The following WLS variants were observed in gnomAD, a reference collection of about 807,000 sequenced individuals.
WLS encodes the protein Wnt ligand secretion mediator.
Under a neutral mutation model 62.8 loss-of-function variants are expected in WLS, and 23 were observed. The ratio of observed to expected loss-of-function variants is 0.37; its 90% confidence interval spans 0.26 to 0.52. WLS has a LOEUF of 0.52. Among genes scored for constraint, WLS ranks in the 20% least tolerant of loss-of-function variants. WLS has a pLI of 0.92. For missense variants in WLS, 615 were observed against 697.3 expected (o/e 0.88, Z 1.33); for synonymous variants, 246 against 244.1 (o/e 1.01, Z -0.07).
chr1:68,194,654 A>C (rs1319776932), intron 1 of WLS, among the ~76,000 whole-genome samples: 1 of 152,194 alleles, frequency 6.6e-6, no homozygotes, highest in East Asian at 1.9e-4. Flanking sequence ...ACTGTCAGTG[A>C]ATCTTGGGTA....
chr1:68,132,101 G>A (rs1263036659), intron 11 of WLS, among the ~76,000 whole-genome samples: 1 of 152,190 alleles, frequency 6.6e-6, no homozygotes, highest in Non-Finnish European at 1.5e-5. Flanking sequence ...TCATGGTGGG[G>A]TGACAAGAAT....
In WLS at chr1:68,130,889, CTT is replaced by C. The variant is rs56038722; in HGVS notation, c.1517-4556_1517-4555del. On this transcript the variant is annotated intron_variant, in intron 11 of 11. Coordinates refer to ENST00000262348, the MANE Select transcript of WLS (RefSeq NM_024911.7). Reference sequence around the variant, plus strand: ...AATGGTGAATGGTAGGTTTCTTCTTCTTTTTTTTTTTTTTTTTTTTTTTAGAT... The same window carrying C: ...AATGGTGAATGGTAGGTTTCTTCTTCTTTTTTTTTTTTTTTTTTTTTAGAT... Among the ~76,000 whole-genome samples, 776 of 100,810 alleles carry C rather than the reference CTT, an allele frequency of 7.7e-3. 6 individuals are homozygous for C. Among genetic ancestry groups the C allele is most frequent in the African/African-American group, 0.019 (501 of 26,050 alleles). The allele number at this position is 100,810 out of a possible 152,430, so 66.1% of individuals were successfully genotyped here.
At chr1:68,134,532 G>T (rs1646577660) in intron 11 of WLS, among the ~76,000 whole-genome samples, 1 of 152,160 alleles carries the variant, frequency 6.6e-6, no homozygotes, top group Non-Finnish European at 1.5e-5. Context: ...TTCACAGAGG[G>T]TCTACTTGGC....
At chr1:68,156,934 T>C (rs1243979564) in intron 3 of WLS, among the ~76,000 whole-genome samples, 1 of 152,192 alleles carries the variant, frequency 6.6e-6, no homozygotes, top group Non-Finnish European at 1.5e-5. Context: ...TTCTGATTTG[T>C]TTCCAGTTAG....
intron 11 of WLS, among the ~76,000 whole-genome samples, chr1:68,137,282 C>CTTT (rs869236010): frequency 4.6e-4 from 54 of 116,434 alleles, no homozygotes; most frequent in African/African-American, 1.6e-3. Flanking sequence ...ACAGGAAGAA[C>CTTT]TGGGGACAGG....
intron 8 of WLS, among the ~76,000 whole-genome samples, chr1:68,147,819 A>G (rs1014763481): frequency 2.6e-5 from 4 of 152,202 alleles, no homozygotes; most frequent in Non-Finnish European, 4.4e-5. Context: ...GCTCCAGGGA[A>G]AAGCTAGTCA....
chr1:68,133,875 T>A (rs960635294), intron 11 of WLS, among the ~76,000 whole-genome samples: 6 of 152,208 alleles, frequency 3.9e-5, no homozygotes, highest in African/African-American at 1.4e-4. Flanking sequence ...GCCTTTGGCA[T>A]CAGAAACTGC....
At chr1:68,193,864 C>T (rs1648505213) in intron 2 of WLS, 91 bp downstream of exon 2, 5 of 1,498,332 alleles carry the variant, frequency 3.3e-6, no homozygotes, top group Admixed American at 4.1e-5. Context: ...TTACTATTAC[C>T]ATTTTTACTT....
At position 68,138,077 on chromosome 1, in the gene WLS, A is replaced by G. The variant is rs1026343968; in HGVS notation, c.1363-144T>C. On this transcript the variant is annotated intron_variant, in intron 10 of 11. Coordinates refer to ENST00000262348, the MANE Select transcript of WLS (RefSeq NM_024911.7). ...AGGGCCATGTAAGACTCCATCTTTT[A>G]ATCTGAATCATTTCGGTGTAAATTA... 4.3e-6 allele frequency: 4 copies of G among 920,408 alleles called. No individual in the cohort carries two copies. The African/African-American group carries it at 5.0e-5, about 11-fold the overall frequency. The allele number at this position is 920,408 out of a possible 1,614,324, so 57.0% of individuals were successfully genotyped here. A position where few individuals can be genotyped will look rare whatever the true frequency, so the allele number is the denominator to read the frequency against.
At chr1:68,214,208 C>CACACACACAA (rs1649639336) in intron 1 of WLS, among the ~76,000 whole-genome samples, 2 of 151,766 alleles carry the variant, frequency 1.3e-5, no homozygotes, top group Non-Finnish European at 2.9e-5. Flanking sequence ...CACACACACA[C>CACACACACAA]ACCCCATTTC....
Position 68,153,795 on chromosome 1 carries a change from A to C in WLS, c.667-142T>G, listed in dbSNP as rs1196591828. 3.7e-6 allele frequency: 4 copies of C among 1,094,260 alleles called. No homozygotes were observed. In the African/African-American group the frequency reaches 4.7e-5, roughly 13 times the overall value. 67.8% of individuals were successfully genotyped at this position (1,094,260 alleles called of 1,614,324 possible). A position where few individuals can be genotyped will look rare whatever the true frequency, so the allele number is the denominator to read the frequency against. ...AAGAGCTTTCACATTCATAGCAGGT[A>C]CTGCCCTCATACACCCTTGGACTCT... On this transcript the variant is annotated intron_variant, in intron 4 of 11. Transcript: ENST00000262348.
Position 68,232,513 on chromosome 1 carries a change from G to A in WLS, c.-214C>T. ...GGCTCGGGTTCCCCCAATGCCCGGA[G>A]CTGTGATTGTGGCCGCTCCGCCGCC... On this transcript the variant is annotated 5_prime_UTR_variant, in exon 1 of 12. Transcript: ENST00000262348. 3 of 1,009,464 alleles carry A rather than the reference G, an allele frequency of 3.0e-6. No individual in the cohort carries two copies. The highest frequency in any genetic ancestry group is 7.0e-5 in the Admixed American group (2 of 28,630). The allele number at this position is 1,009,464 out of a possible 1,614,324, so 62.5% of individuals were successfully genotyped here.
intron 10 of WLS, chr1:68,142,895 T>C (rs1027676093): frequency 6.6e-6 from 1 of 152,064 alleles, no homozygotes; most frequent in African/African-American, 2.4e-5. Flanking sequence ...TTTTCACTAG[T>C]CTCTAGCTGA....
At chr1:68,177,408 T>C (rs944082) in intron 2 of WLS, among the ~76,000 whole-genome samples, 84,005 of 152,062 alleles carry the variant, frequency 0.55, 23,598 homozygotes, top group Middle Eastern at 0.67. Context: ...CTAACATCCA[T>C]GGACGGGGTC....
chr1:68,115,417 G>A (rs1646278349), intron 11 of WLS, among the ~76,000 whole-genome samples: 1 of 152,164 alleles, frequency 6.6e-6, no homozygotes, highest in Non-Finnish European at 1.5e-5. Flanking sequence ...AGTCCCTGGG[G>A]CCTAGAGCCA....
At chr1:68,186,554 T>C (rs1299261187) in intron 2 of WLS, 2 of 454,132 alleles carry the variant, frequency 4.4e-6, no homozygotes, top group Non-Finnish European at 8.8e-6. Flanking sequence ...GAAGTAATAT[T>C]GTTACAGGTG....
chr1:68,204,469 G>A (rs1226575106), intron 1 of WLS, among the ~76,000 whole-genome samples: 1 of 151,948 alleles, frequency 6.6e-6, no homozygotes, highest in Non-Finnish European at 1.5e-5. Context: ...ACAGGCGCCC[G>A]GCTAATTTTT....
At chr1:68,108,406 A>G (rs1443093433) in intron 11 of WLS, among the ~76,000 whole-genome samples, 1 of 152,208 alleles carries the variant, frequency 6.6e-6, no homozygotes, top group Non-Finnish European at 1.5e-5. Flanking sequence ...TTGTCCTAAA[A>G]TCCAAATGAA....
intron 2 of WLS, among the ~76,000 whole-genome samples, chr1:68,185,152 T>C (rs12408073): frequency 6.6e-6 from 1 of 151,986 alleles, no homozygotes; most frequent in South Asian, 2.1e-4. Flanking sequence ...GGAAATAGCA[T>C]CAAGTCTCAT....
Sources: allele counts gnomAD v4.1 joint callset (sites outside exome capture counted in the v4.1 genomes callset), GRCh38; gene constraint gnomAD v4.1.1; transcripts MANE v1.5; gene names NCBI Gene and HGNC (gene_info 2026-07-23, HGNC 2026-07-21).